Variants in AP3M1 observed in about 807,000 individuals in gnomAD.
AP3M1 encodes AP-3 complex subunit mu-1.
AP3M1 carries 29 observed loss-of-function variants against 42.6 expected under a neutral mutation model. The ratio of observed to expected loss-of-function variants is 0.68; its 90% CI spans 0.51 to 0.93. AP3M1 has a LOEUF of 0.93. Among genes scored for constraint, AP3M1 ranks in the 40% least tolerant of loss-of-function variants. The pLI is 0.00. For synonymous variants in AP3M1, 178 were observed against 175.3 expected, an observed-to-expected ratio of 1.02 and a Z score of -0.12; for missense variants, 416 against 510.2, an observed-to-expected ratio of 0.82 and a Z score of 1.78.
intron 7 of AP3M1, among the ~76,000 whole-genome samples, chr10:74,125,136 T>C (rs1840577890): frequency 6.6e-6 from 1 of 152,168 alleles, no homozygotes; most frequent in South Asian, 2.1e-4. Context: ...TGCGCCACCA[T>C]GCCCAGCTAA....
At chr10:74,148,938 T>C (rs1841421328) in intron 1 of AP3M1, among the ~76,000 whole-genome samples, 1 of 151,188 alleles carries the variant, frequency 6.6e-6, no homozygotes, top group Non-Finnish European at 1.5e-5. Context: ...AGTGGCGCAA[T>C]CTCAGCTTAC....
At chr10:74,138,005 A>T in intron 2 of AP3M1, 102 bp downstream of exon 2, 1 of 1,226,198 alleles carries the variant, frequency 8.2e-7, no homozygotes, top group Non-Finnish European at 1.1e-6. Flanking sequence ...AGAGAGAGAC[A>T]GACAGTAAAC....
In AP3M1 at chr10:74,136,735, T is replaced by G; in HGVS notation, c.342A>C (p.Glu114Asp). 6.3e-7 allele frequency: 1 copy of G among 1,593,566 alleles called. No individual in the cohort carries two copies. The highest frequency in any genetic ancestry group is 8.6e-7 in the Non-Finnish European group (1 of 1,164,552). Residue 114 changes from glutamate (E) to aspartate (D), a missense_variant, in exon 3 of 9, where the codon GAA becomes GAC. By Grantham distance (45) the Glu-to-Asp change is conservative. Transcript: ENST00000355264. ...DNVVIVYELL[E>D]EMLDNGFPLA... ...GTGGAAATCCATTGTCTAACATTTC[T>G]TCTAAGAGTTCATATACTATGACCA...
intron 4 of AP3M1, among the ~76,000 whole-genome samples, chr10:74,133,536 G>C (rs748573107): frequency 6.6e-6 from 1 of 151,942 alleles, no homozygotes; most frequent in Non-Finnish European, 1.5e-5. Flanking sequence ...ACTCCAGCCT[G>C]GACAACAGTG....
At chr10:74,140,800 T>C (rs1322274754) in intron 1 of AP3M1, among the ~76,000 whole-genome samples, 1 of 152,032 alleles carries the variant, frequency 6.6e-6, no homozygotes, top group Non-Finnish European at 1.5e-5. Flanking sequence ...GAGAACAACC[T>C]TTTCAACAAA....
intron 4 of AP3M1, 39 bp from the exon 5 acceptor site, chr10:74,130,031 A>G (rs765443033): frequency 7.9e-7 from 1 of 1,268,996 alleles, no homozygotes; most frequent in Non-Finnish European, 1.2e-6. Flanking sequence ...ACATCAATGG[A>G]ATATGAGTCT....
intron 4 of AP3M1, among the ~76,000 whole-genome samples, chr10:74,132,824 AG>A (rs1464765053): frequency 6.6e-6 from 1 of 152,244 alleles, no homozygotes; most frequent in East Asian, 1.9e-4. Flanking sequence ...AAATGTTAGA[AG>A]GAATAAATAG....
intron 3 of AP3M1, 81 bp downstream of exon 3, chr10:74,136,551 A>G (rs1840949977): frequency 8.8e-7 from 1 of 1,130,500 alleles, no homozygotes; most frequent in Non-Finnish European, 1.2e-6. Context: ...TACCTTAATA[A>G]TATGTCAGAT....
At chr10:74,145,637 C>T (rs1841305414) in intron 1 of AP3M1, among the ~76,000 whole-genome samples, 1 of 152,148 alleles carries the variant, frequency 6.6e-6, no homozygotes, top group Non-Finnish European at 1.5e-5. Context: ...ATTACCACAA[C>T]CATCTTTTTG....
chr10:74,133,938 C>A, intron 4 of AP3M1, 89 bp downstream of exon 4: 2 of 1,519,756 alleles, frequency 1.3e-6, no homozygotes, highest in Non-Finnish European at 1.8e-6. Context: ...CAGGCGTGAG[C>A]CACCGCGCCC....
chr10:74,125,781 A>G (rs531038718), intron 7 of AP3M1, among the ~76,000 whole-genome samples: 1 of 152,392 alleles, frequency 6.6e-6, no homozygotes, highest in African/African-American at 2.4e-5. Flanking sequence ...ATCAATTTAT[A>G]TAGAAAACTT....
At chr10:74,131,128 A>C (rs907082098) in intron 4 of AP3M1, among the ~76,000 whole-genome samples, 8 of 152,016 alleles carry the variant, frequency 5.3e-5, no homozygotes, top group African/African-American at 7.2e-5. Flanking sequence ...AAAATAAAAC[A>C]AACCAACCAA....
rs781205239 is a variant in AP3M1, at chr10:74,138,160, C to G, written c.220G>C (p.Val74Leu). The change falls in exon 2 of 9, where the codon GTG (valine) becomes CTG (leucine). Residue 74 changes from valine (V) to leucine (L), a missense_variant. Val to Leu is a conservative substitution (Grantham distance 32). Transcript: ENST00000355264. ...AACTCAATTACAAAGAGAGGTGGCACTTCGGTCTGTATGACAGATACAAAG... is the reference window on the plus strand; with the variant it reads ...AACTCAATTACAAAGAGAGGTGGCAGTTCGGTCTGTATGACAGATACAAAG... ...LFFVSVIQTE[V>L]PPLFVIEFLH... 1 of 1,614,000 alleles carries G rather than the reference C, an allele frequency of 6.2e-7. No individual in the cohort carries two copies. The highest frequency in any genetic ancestry group is 1.3e-5 in the African/African-American group (1 of 74,918).
chr10:74,124,383 A>G lies in AP3M1; in HGVS notation c.1153T>C (p.Ser385Pro). The stretch of plus-strand genomic sequence containing the variant: ...TACAAGTCAACCTTATCCTTACCTG[A>G]AATAGCAAGCTGCTGGATCTTAAAC... Reference protein sequence around the residue: ...IQFKIQQLAISGLKVNRLDMY... With the variant: ...IQFKIQQLAIPGLKVNRLDMY... The change falls in exon 8 of 9, where the codon TCA becomes CCA. Residue 385 changes from serine to proline, a missense_variant. Ser to Pro is a moderately conservative substitution (Grantham distance 74). Coordinates refer to ENST00000355264, the MANE Select transcript of AP3M1 (RefSeq NM_012095.6). 6.2e-7 allele frequency: 1 copy of G among 1,606,100 alleles called. No homozygotes were observed. Among genetic ancestry groups the G allele is most frequent in the Non-Finnish European group, 8.5e-7 (1 of 1,178,024 alleles).
In AP3M1 at chr10:74,125,516, A is replaced by C. The variant is rs1035838321; in HGVS notation, c.1011+632T>G. 3.9e-5 allele frequency among the ~76,000 whole-genome samples: 6 copies of C among 152,228 alleles called. No homozygotes were observed. In the East Asian group the frequency reaches 1.2e-3, roughly 29 times the overall value. Reference sequence around the variant, plus strand: ...CTTTGAATCCTTACAACTGTATTAAATAATCTTTAACATTCTATGATGTTA... The same window carrying C: ...CTTTGAATCCTTACAACTGTATTAACTAATCTTTAACATTCTATGATGTTA... On this transcript the variant is annotated intron_variant, in intron 7 of 8. Coordinates refer to ENST00000355264, the MANE Select transcript of AP3M1 (RefSeq NM_012095.6).
At position 74,143,469 on chromosome 10, in the gene AP3M1, C is replaced by T. The variant is rs185571943; in HGVS notation, c.-3-5087G>A. Reference sequence around the variant, plus strand: ...TTCACCATGTTGGCCTCAAGTGATCCGCCTGCCTTCGCCTCCCAAAGTGAA... The same window carrying T: ...TTCACCATGTTGGCCTCAAGTGATCTGCCTGCCTTCGCCTCCCAAAGTGAA... On this transcript the variant is annotated intron_variant, in intron 1 of 8. Coordinates refer to ENST00000355264, the MANE Select transcript of AP3M1 (RefSeq NM_012095.6). Among the ~76,000 whole-genome samples, 26 of 152,278 alleles carry T rather than the reference C, an allele frequency of 1.7e-4. No homozygotes were observed. In the East Asian group the frequency reaches 3.1e-3, roughly 18 times the overall value.
At chr10:74,141,189 T>A (rs1202565627) in intron 1 of AP3M1, among the ~76,000 whole-genome samples, 14 of 152,160 alleles carry the variant, frequency 9.2e-5, no homozygotes, top group Admixed American at 9.2e-4. Flanking sequence ...GACTCACAAC[T>A]GTAATCCTAG....
intron 6 of AP3M1, among the ~76,000 whole-genome samples, chr10:74,126,956 G>A (rs1269053712): frequency 9.4e-6 from 1 of 106,252 alleles, no homozygotes; most frequent in Admixed American, 1.4e-4. Flanking sequence ...GGGCAAAGGA[G>A]CGAGACGCCA....
rs1413291477 is a variant in AP3M1, at chr10:74,129,136, G to T, written c.775C>A (p.Leu259Ile). The T allele has an allele frequency of 6.2e-7, 1 of 1,614,132 alleles. No homozygotes were observed. Among genetic ancestry groups the T allele is most frequent in the East Asian group, 2.2e-5 (1 of 44,872 alleles). Residue 259 changes from leucine to isoleucine, a missense_variant, in exon 6 of 9, where the codon CTC (leucine) becomes ATC (isoleucine). By Grantham distance (5) the Leu-to-Ile change is conservative. Coordinates refer to ENST00000355264, the MANE Select transcript of AP3M1 (RefSeq NM_012095.6). ...SFIPPDGNFR[L>I]ISYRVSSQNL... Reference sequence around the variant, plus strand: ...TGTGAGCTGACACGGTATGATATGAGTCGGAAATTTCCATCTGGAGGAATA... The same window carrying T: ...TGTGAGCTGACACGGTATGATATGATTCGGAAATTTCCATCTGGAGGAATA...
Sources: gnomAD v4.1 joint callset for allele counts (sites outside exome capture counted in the v4.1 genomes callset) on GRCh38, gnomAD v4.1.1 for gene constraint, MANE v1.5 for transcripts, NCBI Gene and HGNC (gene_info 2026-07-23, HGNC 2026-07-21) for gene names.